Variants in CAPG observed in about 807,000 individuals in gnomAD.
CAPG encodes macrophage-capping protein.
Under a neutral mutation model 44.6 loss-of-function variants are expected in CAPG, and 32 were observed. The observed-to-expected ratio is 0.72, with a 90% confidence interval of 0.54 to 0.96. The LOEUF is 0.96. Among genes scored for constraint, CAPG ranks in the 50% least tolerant of loss-of-function variants. CAPG has a pLI of 0.00. For synonymous variants in CAPG, 175 were observed against 179.6 expected (o/e 0.97, Z 0.20); for missense variants, 412 against 438.3 (o/e 0.94, Z 0.54).
At chr2:85,415,679 CAGATT>C (rs957709341) in intron 1 of CAPG, among the ~76,000 whole-genome samples, 1 of 152,124 alleles carries the variant, frequency 6.6e-6, no homozygotes, top group African/African-American at 2.4e-5. Flanking sequence ...AATGCATTAA[CAGATT>C]AGACAGCAAA....
At chr2:85,402,298 T>C (rs1223534371) in intron 1 of CAPG, 140 bp from the exon 2 acceptor site, 3 of 669,170 alleles carry the variant, frequency 4.5e-6, no homozygotes, top group Non-Finnish European at 8.0e-6. Flanking sequence ...AGTTCCATTA[T>C]GCAGACAAAG....
intron 6 of CAPG, 37 bp from the exon 7 acceptor site, chr2:85,398,819 C>A: frequency 6.7e-7 from 1 of 1,486,332 alleles, no homozygotes; most frequent in Non-Finnish European, 9.2e-7. Flanking sequence ...TATAGGGACC[C>A]CTGCCCTGGA....
downstream of CAPG, chr2:85,394,676 T>G: frequency 1.6e-6 from 1 of 611,410 alleles, no homozygotes; most frequent in South Asian, 1.9e-5. Context: ...GTCATCTGTG[T>G]GCTACTCCAC....
intron 1 of CAPG, among the ~76,000 whole-genome samples, chr2:85,402,737 A>T (rs1361836850): frequency 6.6e-6 from 1 of 150,740 alleles, no homozygotes; most frequent in East Asian, 1.9e-4. Context: ...AAGTGCCGAG[A>T]GTATAGGCAT....
At chr2:85,400,642 C>A (rs999729884) in intron 5 of CAPG, among the ~76,000 whole-genome samples, 1 of 152,160 alleles carries the variant, frequency 6.6e-6, no homozygotes, top group Non-Finnish European at 1.5e-5. Flanking sequence ...AGTGGCATCT[C>A]CCCTCCTATA....
At chr2:85,418,107 CCT>C (rs1007648985) in intron 1 of CAPG, among the ~76,000 whole-genome samples, 4 of 152,106 alleles carry the variant, frequency 2.6e-5, no homozygotes, top group African/African-American at 9.7e-5. Flanking sequence ...CCTGGGCAGG[CCT>C]GTTCATTATT....
At position 85,399,134 on chromosome 2, in the gene CAPG, A is replaced by G. The variant is rs769568966; in HGVS notation, c.666+2T>C. On this transcript the variant is annotated splice_donor_variant, in intron 6 of 9. Transcript: ENST00000263867. LOFTEE classifies it high-confidence loss of function. ...CAGCCACCCACTCCAATGTCCCCCA[A>G]CCTGGATCATCTCAGCAGGCTCCTC... 1.9e-5 allele frequency: 30 copies of G among 1,613,102 alleles called. No homozygotes were observed. In the Admixed American group the frequency reaches 3.5e-4, roughly 19 times the overall value.
downstream of CAPG, among the ~76,000 whole-genome samples, chr2:85,392,843 G>A (rs1272221216): frequency 6.6e-6 from 1 of 152,172 alleles, no homozygotes; most frequent in Non-Finnish European, 1.5e-5. Context: ...TGGAGTATCA[G>A]GTTGGGTGAT....
intron 1 of CAPG, among the ~76,000 whole-genome samples, chr2:85,404,532 C>T (rs907172772): frequency 3.9e-5 from 6 of 151,914 alleles, no homozygotes; most frequent in Non-Finnish European, 7.4e-5. Context: ...GGGTGGATCA[C>T]GAGGTCAGGA....
intron 5 of CAPG, 115 bp downstream of exon 5, chr2:85,401,050 C>A: frequency 2.0e-6 from 2 of 975,880 alleles, no homozygotes; most frequent in Non-Finnish European, 1.6e-6. Flanking sequence ...AGTGATCTCA[C>A]TTGGAATGGG....
At chr2:85,398,212 G>C in intron 7 of CAPG, 60 bp from the exon 8 acceptor site, 1 of 1,579,330 alleles carries the variant, frequency 6.3e-7, no homozygotes, top group Non-Finnish European at 8.6e-7. Context: ...ACCTCAGCCT[G>C]AGGAGGGGGA....
rs139743093 is a variant in CAPG at position 85,395,803 on chromosome 2, G to A, written c.893-177C>T. On this transcript the variant is annotated intron_variant, in intron 8 of 9. Transcript: ENST00000263867. This position sits in a 1 kb window ranked among gnomAD's most constrained non-coding sequence, Gnocchi z 4.3. ...TGGAGATGTGGAGTCAGTCCCTTAA[G>A]AATTTTCCCAAACCGGCAGCACCAA... Among the ~76,000 whole-genome samples, 1 of 152,160 alleles carries A rather than the reference G, an allele frequency of 6.6e-6. No individual in the cohort carries two copies. The highest frequency in any genetic ancestry group is 1.5e-5 in the Non-Finnish European group (1 of 68,016).
intron 8 of CAPG, among the ~76,000 whole-genome samples, chr2:85,396,244 G>A (rs72831544): frequency 4.0e-5 from 6 of 151,880 alleles, no homozygotes; most frequent in East Asian, 3.9e-4. Context: ...GGAGTGCAGC[G>A]GCACCAACAC....
In CAPG at chr2:85,395,451, T is replaced by C; in HGVS notation, c.981+87A>G. On this transcript the variant is annotated intron_variant, in intron 9 of 9. Transcript: ENST00000263867. This position sits in a 1 kb window ranked among gnomAD's most constrained non-coding sequence, Gnocchi z 4.3. ...GGTTGTTCCTGACAGTGCCCAAGGC[T>C]CTCCTGCCCTTCCTGGCCAATTTGA... The C allele has an allele frequency of 9.5e-7, 1 of 1,051,484 alleles. No individual in the cohort carries two copies. Among genetic ancestry groups the C allele is most frequent in the Non-Finnish European group, 1.4e-6 (1 of 692,542 alleles). 65.1% of individuals were successfully genotyped at this position (1,051,484 alleles called of 1,614,324 possible). A position where few individuals can be genotyped will look rare whatever the true frequency, so the allele number is the denominator to read the frequency against.
chr2:85,402,077 G>C, intron 2 of CAPG, 46 bp downstream of exon 2: 1 of 1,610,166 alleles, frequency 6.2e-7, no homozygotes, highest in Non-Finnish European at 8.5e-7. Context: ...AGCCCTTGGA[G>C]GTAAAGAAGG....
At chr2:85,400,276 C>T (rs1182930329) in intron 5 of CAPG, among the ~76,000 whole-genome samples, 3 of 152,180 alleles carry the variant, frequency 2.0e-5, no homozygotes, top group African/African-American at 7.2e-5. Flanking sequence ...TTGAGCGCAG[C>T]ATCTCACACT....
rs1297609173 is a variant in CAPG at position 85,395,383 on chromosome 2, T to C, written c.981+155A>G. 1.9e-5 allele frequency: 12 copies of C among 640,066 alleles called. No individual in the cohort carries two copies. The highest frequency in any genetic ancestry group is 3.4e-5 in the Non-Finnish European group (12 of 355,066). 39.6% of individuals were successfully genotyped at this position (640,066 alleles called of 1,614,324 possible). A position where few individuals can be genotyped will look rare whatever the true frequency, so the allele number is the denominator to read the frequency against. ...ATAAGTATTTTGACATTTTGAAGGATTGAGATGGGCTTTCCCACTGGATGG... is the reference window on the plus strand; with the variant it reads ...ATAAGTATTTTGACATTTTGAAGGACTGAGATGGGCTTTCCCACTGGATGG... On this transcript the variant is annotated intron_variant, in intron 9 of 9. Transcript: ENST00000263867. This position sits in a 1 kb window ranked among gnomAD's most constrained non-coding sequence, Gnocchi z 4.3.
At chr2:85,398,316 T>G (rs11687035) in intron 7 of CAPG, 164 bp from the exon 8 acceptor site, 143,340 of 773,970 alleles carry the variant, frequency 0.19, 15,353 homozygotes, top group Non-Finnish European at 0.23. Context: ...AAAAGCAAAT[T>G]CCAGGCAGCC....
chr2:85,403,351 T>C (rs1478736387), intron 1 of CAPG, among the ~76,000 whole-genome samples: 8 of 152,120 alleles, frequency 5.3e-5, no homozygotes, highest in African/African-American at 2.4e-5. Context: ...AATAAATTTG[T>C]AGTAAAAAAC....
Sources: allele counts gnomAD v4.1 joint callset (sites outside exome capture counted in the v4.1 genomes callset), GRCh38; gene constraint gnomAD v4.1.1; non-coding constraint Gnocchi (gnomAD v3.1); transcripts MANE v1.5; gene names NCBI Gene and HGNC (gene_info 2026-07-23, HGNC 2026-07-21).